Variants in TTLL5 observed in about 807,000 individuals in gnomAD.
The protein encoded by TTLL5 is tubulin tyrosine ligase like 5.
TTLL5 carries 132 observed loss-of-function variants against 168.4 expected under a neutral mutation model. That is an observed-to-expected ratio of 0.78 (90% CI 0.68 to 0.91). The LOEUF is 0.91. Ranked by LOEUF, TTLL5 falls within the 40% of genes least tolerant of loss-of-function variation. The pLI is 0.00. For missense variants in TTLL5, 1,545 were observed against 1,581.5 expected, an observed-to-expected ratio of 0.98 and a Z score of 0.39; for synonymous variants, 546 against 558.6, an observed-to-expected ratio of 0.98 and a Z score of 0.32.
At chr14:75,941,932 C>T (rs1404338513) in intron 31 of TTLL5, among the ~76,000 whole-genome samples, 1 of 149,060 alleles carries the variant, frequency 6.7e-6, no homozygotes, top group African/African-American at 2.5e-5. Flanking sequence ...CCTGTAATCC[C>T]AGCACTTTGG....
chr14:75,859,952 T>C (rs552261113), intron 28 of TTLL5, among the ~76,000 whole-genome samples: 49 of 152,368 alleles, frequency 3.2e-4, no homozygotes, highest in East Asian at 1.3e-3. Flanking sequence ...GTGGCACTTA[T>C]TACATTACAC....
intron 17 of TTLL5, among the ~76,000 whole-genome samples, chr14:75,749,870 C>T (rs1889842701): frequency 6.6e-6 from 1 of 152,028 alleles, no homozygotes; most frequent in South Asian, 2.1e-4. Context: ...ATTAGGTGGG[C>T]TCCCTGTCAG....
intron 30 of TTLL5, among the ~76,000 whole-genome samples, chr14:75,898,989 C>T (rs1037417597): frequency 6.6e-6 from 1 of 152,106 alleles, no homozygotes; most frequent in Admixed American, 6.5e-5. Context: ...ATGTTGGAGT[C>T]AATGAGTCAT....
At chr14:75,666,220 T>C (rs1355148893) in intron 2 of TTLL5, among the ~76,000 whole-genome samples, 1 of 152,256 alleles carries the variant, frequency 6.6e-6, no homozygotes, top group Non-Finnish European at 1.5e-5. Context: ...CGGAAGATGT[T>C]GACTTGATCC....
intron 29 of TTLL5, among the ~76,000 whole-genome samples, chr14:75,867,327 T>C (rs969571042): frequency 2.0e-5 from 3 of 152,172 alleles, no homozygotes; most frequent in Non-Finnish European, 4.4e-5. Flanking sequence ...CTCCATCCCA[T>C]TTCTGATTCA....
At position 75,694,376 on chromosome 14, in the gene TTLL5, G is replaced by A. The variant is rs148373131; in HGVS notation, c.502+4054G>A. Among the ~76,000 whole-genome samples the A allele has an allele frequency of 1.6e-3, 247 of 152,200 alleles. 1 individual carries two copies. The highest frequency in any genetic ancestry group is 6.8e-3 in the East Asian group (35 of 5,184). On this transcript the variant is annotated intron_variant, in intron 6 of 31. Transcript: ENST00000298832. ...TTTTTTGAGACAGTCTTACTCTATC[G>A]CCCAGGCTGGAGTGCAATGGTGTGA... is the stretch of plus-strand genomic sequence containing the variant.
intron 30 of TTLL5, among the ~76,000 whole-genome samples, chr14:75,901,295 A>G (rs1173059473): frequency 1.3e-5 from 2 of 152,228 alleles, no homozygotes; most frequent in Non-Finnish European, 1.5e-5. Flanking sequence ...CCAGTTACAC[A>G]GTTTCATAAT....
intron 30 of TTLL5, among the ~76,000 whole-genome samples, chr14:75,901,606 T>A (rs933432750): frequency 2.6e-5 from 4 of 152,256 alleles, no homozygotes; most frequent in Non-Finnish European, 5.9e-5. Flanking sequence ...CTCTGCCTGC[T>A]AGCTGCCAGT....
rs140297169 is a variant in TTLL5, at chr14:75,846,454, T to C, written c.3327-17213T>C. ...AGCATATGGTTTAATAGTTACAGTA[T>C]TTTAGAAGCGAACCATGATATCATG... On this transcript the variant is annotated intron_variant, in intron 28 of 31. Transcript: ENST00000298832. Among the ~76,000 whole-genome samples the C allele has an allele frequency of 3.7e-3, 565 of 152,262 alleles. 4 individuals are homozygous for C. The highest frequency in any genetic ancestry group is 0.013 in the African/African-American group (525 of 41,566).
intron 1 of TTLL5, among the ~76,000 whole-genome samples, chr14:75,661,958 A>G (rs1890760154): frequency 6.6e-6 from 1 of 152,132 alleles, no homozygotes; most frequent in African/African-American, 2.4e-5. Flanking sequence ...ATCGCTGAGT[A>G]ATTTGGGATT....
chr14:75,705,653 A>G (rs1886600718), intron 7 of TTLL5, among the ~76,000 whole-genome samples: 1 of 152,204 alleles, frequency 6.6e-6, no homozygotes, highest in Non-Finnish European at 1.5e-5. Flanking sequence ...TAATCCTGTG[A>G]ACAGACTTAG....
intron 21 of TTLL5, among the ~76,000 whole-genome samples, chr14:75,773,211 T>A (rs1254309837): frequency 6.6e-6 from 1 of 152,216 alleles, no homozygotes; most frequent in East Asian, 1.9e-4. Flanking sequence ...TGAATAATCC[T>A]TCAACCATCA....
chr14:75,721,059 G>T (rs917417816), intron 12 of TTLL5, among the ~76,000 whole-genome samples: 2 of 152,328 alleles, frequency 1.3e-5, no homozygotes, highest in Non-Finnish European at 1.5e-5. Flanking sequence ...GTTCCAAGAA[G>T]CTCTGGCTGG....
intron 9 of TTLL5, among the ~76,000 whole-genome samples, chr14:75,712,726 A>G (rs897744039): frequency 6.6e-6 from 1 of 152,126 alleles, no homozygotes; most frequent in Non-Finnish European, 1.5e-5. Flanking sequence ...CCACACAGAC[A>G]TTCAGACTTT....
intron 12 of TTLL5, among the ~76,000 whole-genome samples, chr14:75,731,303 G>A (rs1019186377): frequency 1.9e-4 from 29 of 149,696 alleles, no homozygotes; most frequent in African/African-American, 6.9e-4. Flanking sequence ...TTTTTTTGAG[G>A]GTCACAGGAT....
chr14:75,711,323 G>C (rs1012419553), intron 9 of TTLL5: 17 of 152,260 alleles, frequency 1.1e-4, no homozygotes, highest in African/African-American at 4.1e-4. Flanking sequence ...GGGACACTCA[G>C]TTTCCACAGA....
chr14:75,918,333 T>C (rs1027180663), intron 31 of TTLL5, among the ~76,000 whole-genome samples: 1 of 152,210 alleles, frequency 6.6e-6, no homozygotes, highest in Non-Finnish European at 1.5e-5. Flanking sequence ...GGATGGCTAA[T>C]GATATACATC....
chr14:75,787,962 G>A (rs1280074965), intron 26 of TTLL5, among the ~76,000 whole-genome samples: 1 of 152,150 alleles, frequency 6.6e-6, no homozygotes, highest in East Asian at 1.9e-4. Context: ...AATAAGTAGA[G>A]AGCAATGCAA....
At chr14:75,673,291 T>A (rs567659113) in intron 3 of TTLL5, among the ~76,000 whole-genome samples, 1 of 152,358 alleles carries the variant, frequency 6.6e-6, no homozygotes, top group East Asian at 1.9e-4. Context: ...TTCCAACTTT[T>A]GCTTTCTCTT....
Sources: allele counts gnomAD v4.1 joint callset (sites outside exome capture counted in the v4.1 genomes callset), GRCh38; gene constraint gnomAD v4.1.1; transcripts MANE v1.5; gene names NCBI Gene and HGNC (gene_info 2026-07-23, HGNC 2026-07-21).